Variants in DDX60 observed in about 807,000 individuals in gnomAD.
DDX60 encodes DExD/H-box helicase 60.
A neutral mutation model predicts 212.8 loss-of-function variants in DDX60; 165 were observed. That is an observed-to-expected ratio of 0.78 (90% CI 0.68 to 0.88). The LOEUF is 0.88. Among genes scored for constraint, DDX60 ranks in the 40% least tolerant of loss-of-function variants. The probability of loss-of-function intolerance (pLI) is 0.00; values close to 1 mark genes in which losing one functional copy is unlikely to be tolerated. For synonymous variants in DDX60, 703 were observed against 685.3 expected, an observed-to-expected ratio of 1.03 and a Z score of -0.40; for missense variants, 1,905 against 2,003.9, an observed-to-expected ratio of 0.95 and a Z score of 0.94.
chr4:168,320,339 G>A (rs1737573629), upstream of DDX60, among the ~76,000 whole-genome samples: 2 of 152,216 alleles, frequency 1.3e-5, no homozygotes, highest in South Asian at 4.1e-4. Context: ...GAGGGGCAAT[G>A]TGATGATAGA....
At position 168,240,749 on chromosome 4, in the gene DDX60, T is replaced by C. The variant is rs556978380; in HGVS notation, c.4165-2954A>G. On this transcript the variant is annotated intron_variant, in intron 30 of 37. Transcript: ENST00000393743. ...GACCTGGATAGCCATGTGCAGAAAA[T>C]GGAACTGGATCCTATCCTTACACCT... 7.9e-5 allele frequency among the ~76,000 whole-genome samples: 12 copies of C among 152,286 alleles called. 1 individual carries two copies. In the South Asian group the frequency reaches 2.5e-3, roughly 32 times the overall value.
At chr4:168,270,085 A>T (rs1384460359) in intron 19 of DDX60, among the ~76,000 whole-genome samples, 1 of 152,196 alleles carries the variant, frequency 6.6e-6, no homozygotes, top group East Asian at 1.9e-4. Context: ...TTTCTTGATT[A>T]AACTGCTGTC....
At chr4:168,314,825 T>C (rs1479206745) in intron 1 of DDX60, among the ~76,000 whole-genome samples, 7 of 152,214 alleles carry the variant, frequency 4.6e-5, no homozygotes, top group African/African-American at 1.7e-4. Flanking sequence ...ACTAATATAC[T>C]AATATTAGAC....
intron 30 of DDX60, 106 bp downstream of exon 30, chr4:168,246,312 G>T: frequency 7.7e-7 from 1 of 1,293,128 alleles, no homozygotes; most frequent in Non-Finnish European, 1.1e-6. Context: ...TTAAAAGACT[G>T]ATGAAACTCA....
At chr4:168,271,002 T>A (rs1735072978) in intron 19 of DDX60, among the ~76,000 whole-genome samples, 1 of 150,822 alleles carries the variant, frequency 6.6e-6, no homozygotes, top group Non-Finnish European at 1.5e-5. Flanking sequence ...CTCAGCCTCC[T>A]GAGTAGCTGA....
intron 37 of DDX60, among the ~76,000 whole-genome samples, chr4:168,219,319 T>C (rs1455636653): frequency 6.6e-6 from 1 of 151,886 alleles, no homozygotes; most frequent in African/African-American, 2.4e-5. Flanking sequence ...TTATGAACCT[T>C]TATAGCTCAA....
intron 14 of DDX60, among the ~76,000 whole-genome samples, chr4:168,279,335 A>T (rs1045682444): frequency 6.6e-6 from 1 of 152,242 alleles, no homozygotes; most frequent in African/African-American, 2.4e-5. Flanking sequence ...GTTGAAAATG[A>T]AAACATTGAG....
In DDX60 at chr4:168,281,243, G is replaced by T. The variant is rs111481891; in HGVS notation, c.1723-653C>A. Among the ~76,000 whole-genome samples, 796 of 152,204 alleles carry T rather than the reference G, an allele frequency of 5.2e-3. 4 individuals carry two copies. The highest frequency in any genetic ancestry group is 0.014 in the Middle Eastern group (4 of 294). ...GCTATGATATCTGCTGCTCTCTCTGGAATCGCCTGTCCTCTTCCATTCTTC... is the reference window on the plus strand; with the variant it reads ...GCTATGATATCTGCTGCTCTCTCTGTAATCGCCTGTCCTCTTCCATTCTTC... On this transcript the variant is annotated intron_variant, in intron 13 of 37. Transcript: ENST00000393743.
chr4:168,231,820 T>C (rs1025932754), intron 33 of DDX60, among the ~76,000 whole-genome samples: 3 of 151,834 alleles, frequency 2.0e-5, no homozygotes, highest in African/African-American at 7.2e-5. Context: ...AGGATGCCCA[T>C]TTTCACCACT....
chr4:168,300,356 A>G (rs1736594668), intron 6 of DDX60, among the ~76,000 whole-genome samples: 1 of 152,112 alleles, frequency 6.6e-6, no homozygotes, highest in Middle Eastern at 3.2e-3. Context: ...CCTGGCCAAC[A>G]TGGTGAAACC....
intron 22 of DDX60, among the ~76,000 whole-genome samples, chr4:168,266,183 C>A (rs1010075248): frequency 2.0e-5 from 3 of 152,166 alleles, no homozygotes; most frequent in African/African-American, 4.8e-5. Flanking sequence ...GTTCTCTATG[C>A]CTCACTTTCC....
At chr4:168,232,589 A>T (rs536985430) in intron 33 of DDX60, among the ~76,000 whole-genome samples, 39 of 152,094 alleles carry the variant, frequency 2.6e-4, no homozygotes, top group African/African-American at 9.1e-4. Context: ...TGACAAACCA[A>T]ATGAAAACAT....
Position 168,275,342 on chromosome 4 carries a change from T to C in DDX60, c.2304+3A>G, listed in dbSNP as rs372995412. Reference sequence around the variant, plus strand: ...GTAATTTTTGTTTCATTTGCAGTATTACCTGCCATGTGTCGGGAATAAAAT... The same window carrying C: ...GTAATTTTTGTTTCATTTGCAGTATCACCTGCCATGTGTCGGGAATAAAAT... On this transcript the variant is annotated splice_donor_region_variant and intron_variant, in intron 16 of 37. Coordinates refer to ENST00000393743, the MANE Select transcript of DDX60 (RefSeq NM_017631.6). The C allele has an allele frequency of 3.4e-5, 54 of 1,600,448 alleles. No individual in the cohort carries two copies. The Middle Eastern group carries it at 6.7e-4, about 20-fold the overall frequency.
chr4:168,284,994 GATTTT>G lies in DDX60; in HGVS notation c.1446-64_1446-60del, dbSNP rs764861590. 1.3e-5 allele frequency: 11 copies of G among 832,148 alleles called. 1 individual carries two copies. Among genetic ancestry groups the G allele is most frequent in the Non-Finnish European group, 2.1e-5 (11 of 529,800 alleles). The allele number at this position is 832,148 out of a possible 1,614,324, so 51.5% of individuals were successfully genotyped here. A position where few individuals can be genotyped will look rare whatever the true frequency, so the allele number is the denominator to read the frequency against. On this transcript the variant is annotated intron_variant, in intron 11 of 37. Coordinates refer to ENST00000393743, the MANE Select transcript of DDX60 (RefSeq NM_017631.6). ...ACACTTCCAAATATAACACAGCACA[GATTTT>G]ATTTTATAATGTTTTTGAAAATCAT...
chr4:168,218,442 T>G (rs1732929102), intron 37 of DDX60, among the ~76,000 whole-genome samples: 1 of 152,204 alleles, frequency 6.6e-6, no homozygotes, highest in African/African-American at 2.4e-5. Flanking sequence ...ATTTTTCTGA[T>G]CACTCTTCTG....
At chr4:168,299,157 CAAAAA>C (rs1197872492) in intron 6 of DDX60, among the ~76,000 whole-genome samples, 54 of 61,932 alleles carry the variant, frequency 8.7e-4, no homozygotes, top group African/African-American at 3.0e-3. Context: ...GAGACTGTCT[CAAAAA>C]AAAAAAAAAA....
At chr4:168,313,744 T>C (rs1056053910) in intron 1 of DDX60, among the ~76,000 whole-genome samples, 2 of 152,212 alleles carry the variant, frequency 1.3e-5, no homozygotes, top group African/African-American at 4.8e-5. Context: ...ATGCCACTCC[T>C]AGGACAAAAT....
chr4:168,288,910 T>C (rs774601115), intron 8 of DDX60, among the ~76,000 whole-genome samples: 6 of 152,212 alleles, frequency 3.9e-5, no homozygotes, highest in African/African-American at 7.2e-5. Flanking sequence ...TTGAAAATAT[T>C]AGGGGCTACC....
At chr4:168,317,957 G>C (rs1011553331) in intron 1 of DDX60, among the ~76,000 whole-genome samples, 6 of 152,176 alleles carry the variant, frequency 3.9e-5, no homozygotes, top group Admixed American at 3.9e-4. Flanking sequence ...TGAGGCCACA[G>C]CTCTGACACC....
Sources: allele counts gnomAD v4.1 joint callset (sites outside exome capture counted in the v4.1 genomes callset), GRCh38; gene constraint gnomAD v4.1.1; transcripts MANE v1.5; gene names NCBI Gene and HGNC (gene_info 2026-07-23, HGNC 2026-07-21).